Variants in ABCA1 observed in about 807,000 individuals in gnomAD.
The protein encoded by ABCA1 is phospholipid-transporting ATPase ABCA1.
In ABCA1, 133 loss-of-function variants were observed where a neutral mutation model predicts 262.5. That is an observed-to-expected ratio of 0.51 (90% CI 0.44 to 0.59). The LOEUF (loss-of-function observed/expected upper bound fraction) is 0.59. Among genes scored for constraint, ABCA1 ranks in the 20% least tolerant of loss-of-function variants. The pLI is 0.00. For synonymous variants in ABCA1, 1,022 were observed against 1,043.5 expected, an observed-to-expected ratio of 0.98 and a Z score of 0.40; for missense variants, 2,452 against 2,777.5, an observed-to-expected ratio of 0.88 and a Z score of 2.63.
intron 7 of ABCA1, among the ~76,000 whole-genome samples, chr9:104,846,808 CAGAT>C (rs139257838): frequency 0.012 from 1,838 of 152,336 alleles, 28 homozygotes; most frequent in African/African-American, 0.041. Context: ...ACGTCAGACT[CAGAT>C]AGGCCTCTGT....
rs868826271 is a variant in ABCA1 at position 104,812,741 on chromosome 9, G to A, written c.3902-19C>T. The A allele has an allele frequency of 5.0e-6, 8 of 1,614,074 alleles. No individual in the cohort carries two copies. In the African/African-American group the frequency reaches 1.1e-4, roughly 22 times the overall value. ...CTGGATTCTGCAAGAAGCCAACACTGAAGGTCACCTATTATCTTAGGTGTT... is the reference window on the plus strand; with the variant it reads ...CTGGATTCTGCAAGAAGCCAACACTAAAGGTCACCTATTATCTTAGGTGTT... On this transcript the variant is annotated intron_variant, in intron 27 of 49. Transcript: ENST00000374736.
rs137892737 is a variant in ABCA1 at position 104,903,635 on chromosome 9, G to A, written c.45C>T (p.Leu15=). 1.8e-5 allele frequency: 28 copies of A among 1,590,036 alleles called. 1 individual carries two copies. Among genetic ancestry groups the A allele is most frequent in the South Asian group, 2.3e-5 (2 of 87,392 alleles). The change falls in exon 2 of 50, where the codon CTC becomes CTT. Residue 15 remains leucine, a synonymous_variant. Coordinates refer to ENST00000374736, the MANE Select transcript of ABCA1 (RefSeq NM_005502.4). ...TTACTGTTTGTCTTCTTCTGAAAGT[G>A]AGGTTCTTCCACAGCAGCAACCTCA... ...PQLRLLLWKN[L]TFRRRQTCQL... is the part of the protein sequence containing the mutation.
chr9:104,925,192 C>G (rs1367518030), intron 1 of ABCA1, among the ~76,000 whole-genome samples: 1 of 152,164 alleles, frequency 6.6e-6, no homozygotes, highest in Non-Finnish European at 1.5e-5. Flanking sequence ...TCCTGGCCAA[C>G]ATGGTGAAAC....
intron 1 of ABCA1, among the ~76,000 whole-genome samples, chr9:104,926,611 C>T (rs62568211): frequency 0.12 from 18,037 of 152,232 alleles, 1,249 homozygotes; most frequent in East Asian, 0.33. Context: ...GTCCTCCGGC[C>T]AGGAGGCGCT....
At chr9:104,815,979 C>T (rs889216267) in intron 25 of ABCA1, among the ~76,000 whole-genome samples, 164 bp downstream of exon 25, 20 of 152,246 alleles carry the variant, frequency 1.3e-4, no homozygotes, top group African/African-American at 4.6e-4. Flanking sequence ...CTATCTCCCA[C>T]TACCATCTTA....
At chr9:104,871,104 A>T (rs1837570193) in intron 5 of ABCA1, among the ~76,000 whole-genome samples, 1 of 152,070 alleles carries the variant, frequency 6.6e-6, no homozygotes, top group South Asian at 2.1e-4. Context: ...GACAATGAGG[A>T]CCCCTATAAA....
intron 1 of ABCA1, among the ~76,000 whole-genome samples, chr9:104,914,578 G>A (rs981803030): frequency 6.6e-6 from 1 of 151,418 alleles, no homozygotes; most frequent in African/African-American, 2.4e-5. Context: ...CTTCTCTAGT[G>A]TACTAACTCA....
In ABCA1 at chr9:104,784,475, G is replaced by C. The variant is rs1332697976; in HGVS notation, c.6646-20C>G. 7 of 1,613,826 alleles carry C rather than the reference G, an allele frequency of 4.3e-6. No individual in the cohort carries two copies. The South Asian group carries it at 7.7e-5, about 18-fold the overall frequency. ...AAATACCTGTTAAAAGATTAAGATGGACCTTTATAAATACCACTCAACTTG... is the reference window on the plus strand; with the variant it reads ...AAATACCTGTTAAAAGATTAAGATGCACCTTTATAAATACCACTCAACTTG... On this transcript the variant is annotated intron_variant, in intron 49 of 49. Coordinates refer to ENST00000374736, the MANE Select transcript of ABCA1 (RefSeq NM_005502.4).
At chr9:104,896,965 A>G (rs1310193542) in intron 2 of ABCA1, among the ~76,000 whole-genome samples, 1 of 151,774 alleles carries the variant, frequency 6.6e-6, no homozygotes, top group Non-Finnish European at 1.5e-5. Flanking sequence ...CCTAGTCTCA[A>G]GCAATCCCCC....
At chr9:104,876,318 C>T (rs1194890982) in intron 5 of ABCA1, among the ~76,000 whole-genome samples, 2 of 152,194 alleles carry the variant, frequency 1.3e-5, no homozygotes, top group Admixed American at 1.3e-4. Flanking sequence ...AGCTGGGGAA[C>T]TTCTCAGAGG....
At chr9:104,889,074 G>C in intron 3 of ABCA1, 28 bp downstream of exon 3, 1 of 1,593,238 alleles carries the variant, frequency 6.3e-7, no homozygotes, top group Non-Finnish European at 8.6e-7. Flanking sequence ...CCATTGGTGA[G>C]TCTCAGGCAA....
intron 7 of ABCA1, chr9:104,855,109 G>A: frequency 2.1e-6 from 2 of 972,046 alleles, no homozygotes; most frequent in Non-Finnish European, 1.2e-6. Flanking sequence ...CAATATCTGA[G>A]CAAGAATGCA....
At chr9:104,921,520 G>A (rs1842138666) in intron 1 of ABCA1, among the ~76,000 whole-genome samples, 1 of 152,174 alleles carries the variant, frequency 6.6e-6, no homozygotes, top group African/African-American at 2.4e-5. Context: ...AAACGGAAAT[G>A]AAACTGAGCG....
chr9:104,821,429 C>G lies in ABCA1; in HGVS notation c.2906G>C (p.Ser969Thr), dbSNP rs1290835007. 2 of 1,614,030 alleles carry G rather than the reference C, an allele frequency of 1.2e-6. No individual in the cohort carries two copies. Among genetic ancestry groups the G allele is most frequent in the African/African-American group, 2.7e-5 (2 of 74,928 alleles). Residue 969 changes from serine to threonine, a missense_variant, in exon 20 of 50, where the codon AGC becomes ACC. By Grantham distance (58) the Ser-to-Thr change is moderately conservative. Transcript: ENST00000374736. The stretch of plus-strand genomic sequence containing the variant: ...GACCCCCAGGTTCTGCCGGATGGTG[C>G]TCATCTCAGAGCGAATGTCTTTTCC... The part of the protein sequence containing the change: ...ILGKDIRSEM[S>T]TIRQNLGVCP...
In ABCA1 at chr9:104,791,936, C is replaced by T; in HGVS notation, c.5820G>A (p.Glu1940=). 5 of 1,613,362 alleles carry T rather than the reference C, an allele frequency of 3.1e-6. No individual in the cohort carries two copies. The highest frequency in any genetic ancestry group is 4.2e-6 in the Non-Finnish European group (5 of 1,179,644). Residue 1940 remains glutamate, a splice_region_variant and synonymous_variant, in exon 43 of 50, where the codon GAG becomes GAA. Transcript: ENST00000374736. ...CGCAATATAGACAAAGTGTCTTTAC[C>T]TCACCAGGAGGAATGCCCACGCAAA... The part of the protein sequence containing the change: ...DRICVGIPPG[E]CFGLLGVNGA...
intron 1 of ABCA1, among the ~76,000 whole-genome samples, chr9:104,923,800 G>C (rs954526370): frequency 1.3e-5 from 2 of 152,198 alleles, no homozygotes; most frequent in African/African-American, 4.8e-5. Flanking sequence ...AGCACTTTGG[G>C]AGGCTGATGT....
At chr9:104,811,851 T>C (rs1211144115) in intron 28 of ABCA1, among the ~76,000 whole-genome samples, 1 of 152,312 alleles carries the variant, frequency 6.6e-6, no homozygotes, top group Non-Finnish European at 1.5e-5. Context: ...CAAGGTCATA[T>C]AGCCAATAAG....
chr9:104,835,501 T>C (rs539705411), intron 11 of ABCA1, among the ~76,000 whole-genome samples: 5 of 152,182 alleles, frequency 3.3e-5, no homozygotes, highest in Non-Finnish European at 7.3e-5. Flanking sequence ...GCCTCATTTC[T>C]TGCTTTATGC....
At chr9:104,800,144 C>T (rs115070072) in intron 35 of ABCA1, among the ~76,000 whole-genome samples, 156 bp from the exon 36 acceptor site, 1 of 152,174 alleles carries the variant, frequency 6.6e-6, no homozygotes, top group Non-Finnish European at 1.5e-5. Flanking sequence ...GAAGTAATTA[C>T]AGTGTTCAGG....
Sources: allele counts gnomAD v4.1 joint callset (sites outside exome capture counted in the v4.1 genomes callset), GRCh38; gene constraint gnomAD v4.1.1; transcripts MANE v1.5; gene names NCBI Gene and HGNC (gene_info 2026-07-23, HGNC 2026-07-21).